The following BICD2 variants were observed in gnomAD, a reference collection of about 807,000 sequenced individuals.
The protein encoded by BICD2 is BICD cargo adaptor 2, also known as protein bicaudal D homolog 2.
In BICD2, 25 loss-of-function variants were observed where a neutral mutation model predicts 72.9. That is an observed-to-expected ratio of 0.34 (90% confidence interval 0.25 to 0.48). The LOEUF is 0.48. Ranked by LOEUF, BICD2 falls within the 20% of genes least tolerant of loss-of-function variation. The pLI, the probability that BICD2 is intolerant of heterozygous loss-of-function variation, is 0.99. For synonymous variants in BICD2, 501 were observed against 516.1 expected, an observed-to-expected ratio of 0.97 and a Z score of 0.40; for missense variants, 894 against 1,175.2, an observed-to-expected ratio of 0.76 and a Z score of 3.50.
Position 92,713,811 on chromosome 9 carries a change from A to T in BICD2, c.*1343T>A, listed in dbSNP as rs1236473128. 4 of 1,128,260 alleles carry T rather than the reference A, an allele frequency of 3.5e-6. No homozygotes were observed. The highest frequency in any genetic ancestry group is 4.4e-6 in the Non-Finnish European group (4 of 914,274). The allele number at this position is 1,128,260 out of a possible 1,614,324, so 69.9% of individuals were successfully genotyped here. A position where few individuals can be genotyped will look rare whatever the true frequency, so the allele number is the denominator to read the frequency against. On this transcript the variant is annotated 3_prime_UTR_variant, in exon 7 of 7. Transcript: ENST00000356884. Reference sequence around the variant, plus strand: ...CCTGGAGTCTGGAGGGGACCGAAACATACTCGGCACCAAAGGGAAGAACGC... The same window carrying T: ...CCTGGAGTCTGGAGGGGACCGAAACTTACTCGGCACCAAAGGGAAGAACGC...
chr9:92,750,563 T>C (rs1465482633), intron 1 of BICD2, among the ~76,000 whole-genome samples: 1 of 152,130 alleles, frequency 6.6e-6, no homozygotes, highest in Non-Finnish European at 1.5e-5. Flanking sequence ...ATGATTCCAA[T>C]TATGTGACAT....
intron 1 of BICD2, among the ~76,000 whole-genome samples, chr9:92,734,146 T>C (rs183774962): frequency 6.6e-6 from 1 of 151,242 alleles, no homozygotes; most frequent in African/African-American, 2.4e-5. Context: ...CACAAAAGAG[T>C]ATATGTTGTG....
chr9:92,723,990 A>G (rs964800327), intron 2 of BICD2, among the ~76,000 whole-genome samples: 6 of 152,160 alleles, frequency 3.9e-5, no homozygotes, highest in African/African-American at 1.4e-4. Context: ...GTGACAACTG[A>G]AAAATCTCTC....
chr9:92,729,271 C>T (rs1450318985), intron 1 of BICD2, 35 bp from the exon 2 acceptor site: 1 of 1,608,274 alleles, frequency 6.2e-7, no homozygotes. Flanking sequence ...TGAGGTGGGC[C>T]TCCCAGGGGC....
intron 1 of BICD2, among the ~76,000 whole-genome samples, chr9:92,755,354 G>A (rs1049242343): frequency 6.6e-6 from 1 of 152,200 alleles, no homozygotes; most frequent in African/African-American, 2.4e-5. Context: ...CTGTGGTCCT[G>A]TGATCTTGCC....
intron 1 of BICD2, among the ~76,000 whole-genome samples, chr9:92,739,351 G>A (rs182534900): frequency 1.3e-5 from 2 of 152,316 alleles, no homozygotes; most frequent in Non-Finnish European, 2.9e-5. Context: ...CCAAGTCCGA[G>A]GGCCTGTAGC....
At chr9:92,728,320 T>C (rs993433338) in intron 2 of BICD2, among the ~76,000 whole-genome samples, 4 of 152,238 alleles carry the variant, frequency 2.6e-5, no homozygotes, top group African/African-American at 4.8e-5. Context: ...TCTGACTTCA[T>C]GTTCACAAGT....
chr9:92,715,517 C>T, intron 6 of BICD2, 54 bp from the exon 7 acceptor site: 1 of 1,504,518 alleles, frequency 6.6e-7, no homozygotes, highest in Middle Eastern at 1.8e-4. Flanking sequence ...CAGAGGAGGG[C>T]AGGGCAGGGC....
chr9:92,745,199 C>T (rs1853984926), intron 1 of BICD2, among the ~76,000 whole-genome samples: 1 of 152,124 alleles, frequency 6.6e-6, no homozygotes, highest in South Asian at 2.1e-4. Flanking sequence ...TACAGCCTTG[C>T]TAGCAATTCA....
intron 1 of BICD2, among the ~76,000 whole-genome samples, chr9:92,737,593 G>A (rs980962546): frequency 2.6e-5 from 4 of 152,160 alleles, no homozygotes; most frequent in African/African-American, 9.7e-5. Context: ...AGAAACAGAA[G>A]CTGGACGATG....
intron 1 of BICD2, among the ~76,000 whole-genome samples, chr9:92,761,674 G>A (rs548415481): frequency 6.6e-6 from 1 of 152,340 alleles, no homozygotes; most frequent in Admixed American, 6.5e-5. Context: ...CTACAGCTAA[G>A]AACACAGAAC....
At chr9:92,759,726 C>T (rs1854332312) in intron 1 of BICD2, among the ~76,000 whole-genome samples, 1 of 152,234 alleles carries the variant, frequency 6.6e-6, no homozygotes, top group African/African-American at 2.4e-5. Flanking sequence ...CAGCCCTGGC[C>T]ACCAGCCACC....
chr9:92,736,664 ATTCT>A (rs1415637773), intron 1 of BICD2, among the ~76,000 whole-genome samples: 2 of 152,160 alleles, frequency 1.3e-5, no homozygotes, highest in Admixed American at 1.3e-4. Context: ...CTCGCCTTGA[ATTCT>A]TTCTTGCGTG....
In BICD2 at chr9:92,717,964, G is replaced by A. The variant is rs368924457; in HGVS notation, c.2107-16C>T. ...CCTCGGCCGTCTGGGGGACAGATGT[G>A]TAGGGTGGAAAAGTGAAAGGCGTGA... On this transcript the variant is annotated splice_polypyrimidine_tract_variant and intron_variant, in intron 5 of 6. Transcript: ENST00000356884. 21 of 1,610,432 alleles carry A rather than the reference G, an allele frequency of 1.3e-5. No homozygotes were observed. The African/African-American group carries it at 2.4e-4, about 18-fold the overall frequency.
chr9:92,734,755 G>A (rs555034595), intron 1 of BICD2, among the ~76,000 whole-genome samples: 2 of 152,190 alleles, frequency 1.3e-5, no homozygotes, highest in Admixed American at 6.5e-5. Context: ...CCTCACTGTG[G>A]GCCTCCTAGG....
intron 1 of BICD2, among the ~76,000 whole-genome samples, chr9:92,748,616 T>G (rs1352369464): frequency 6.6e-6 from 1 of 152,020 alleles, no homozygotes; most frequent in Non-Finnish European, 1.5e-5. Context: ...CCATGGGTGT[T>G]ATATGGGAGA....
rs1853264436 is a variant in BICD2 at position 92,714,634 on chromosome 9, A to C, written c.*520T>G. 2 of 985,994 alleles carry C rather than the reference A, an allele frequency of 2.0e-6. No homozygotes were observed. Among genetic ancestry groups the C allele is most frequent in the Admixed American group, 6.1e-5 (1 of 16,282 alleles). The allele number at this position is 985,994 out of a possible 1,614,324, so 61.1% of individuals were successfully genotyped here. A position where few individuals can be genotyped will look rare whatever the true frequency, so the allele number is the denominator to read the frequency against. The stretch of plus-strand genomic sequence containing the variant: ...TATGATTTGCAGTCAGATACTGCAT[A>C]AACTACAACGTACTCCTTTCCATGA... On this transcript the variant is annotated 3_prime_UTR_variant, in exon 7 of 7. Transcript: ENST00000356884.
At chr9:92,719,816 A>G (rs1853421503) in intron 4 of BICD2, among the ~76,000 whole-genome samples, 1 of 152,202 alleles carries the variant, frequency 6.6e-6, no homozygotes, top group South Asian at 2.1e-4. Context: ...GGTCACCCTC[A>G]ACGCAGGCTC....
chr9:92,731,748 T>C (rs1853683678), intron 1 of BICD2, among the ~76,000 whole-genome samples: 1 of 152,158 alleles, frequency 6.6e-6, no homozygotes, highest in African/African-American at 2.4e-5. Context: ...GAATCTCCAC[T>C]GAGGACCAGG....
Sources: allele counts gnomAD v4.1 joint callset (sites outside exome capture counted in the v4.1 genomes callset), GRCh38; gene constraint gnomAD v4.1.1; transcripts MANE v1.5; gene names NCBI Gene and HGNC (gene_info 2026-07-23, HGNC 2026-07-21).